NTRK3: variants seen among roughly 807,000 people sequenced by gnomAD.
The protein encoded by NTRK3 is neurotrophic receptor tyrosine kinase 3.
Under a neutral mutation model 91.7 loss-of-function variants are expected in NTRK3, and 24 were observed. The ratio of observed to expected loss-of-function variants is 0.26; its 90% confidence interval spans 0.19 to 0.37. The LOEUF (loss-of-function observed/expected upper bound fraction) is 0.37, where lower values mean the gene tolerates loss of function less well. Ranked by LOEUF, NTRK3 falls within the 10% of genes least tolerant of loss-of-function variation. The pLI is 1.00. For missense variants in NTRK3, 880 were observed against 1,068.9 expected (o/e 0.82, Z 2.46); for synonymous variants, 483 against 404.0 (o/e 1.20, Z -2.34).
intron 13 of NTRK3, among the ~76,000 whole-genome samples, chr15:88,095,951 T>A (rs1042257286): frequency 1.4e-4 from 21 of 152,176 alleles, no homozygotes; most frequent in African/African-American, 4.3e-4. Context: ...TCTGCAGTGG[T>A]CATTTGTCCA....
intron 3 of NTRK3, among the ~76,000 whole-genome samples, chr15:88,239,531 T>A (rs2052118336): frequency 6.6e-6 from 1 of 152,106 alleles, no homozygotes; most frequent in Non-Finnish European, 1.5e-5. Context: ...ATCTCTCAAC[T>A]ACAGGTTGGA....
intron 14 of NTRK3, among the ~76,000 whole-genome samples, chr15:87,997,416 G>A (rs1037299232): frequency 6.6e-5 from 10 of 152,128 alleles, no homozygotes; most frequent in Non-Finnish European, 1.3e-4. Flanking sequence ...AAAATTCTCA[G>A]GCAACGAGGA....
At chr15:88,071,742 A>C (rs2047105892) in intron 13 of NTRK3, among the ~76,000 whole-genome samples, 1 of 152,234 alleles carries the variant, frequency 6.6e-6, no homozygotes, top group South Asian at 2.1e-4. Context: ...ATGGGAGAAT[A>C]CTAGAGAAAA....
intron 17 of NTRK3, among the ~76,000 whole-genome samples, chr15:87,904,176 G>C (rs746687759): frequency 6.7e-6 from 1 of 149,688 alleles, no homozygotes; most frequent in Non-Finnish European, 1.5e-5. Context: ...TTTTGAGACG[G>C]AGTCTTGCCC....
intron 13 of NTRK3, among the ~76,000 whole-genome samples, chr15:88,103,345 G>T (rs2050369061): frequency 6.6e-6 from 1 of 152,202 alleles, no homozygotes; most frequent in Admixed American, 6.5e-5. Context: ...ATCAACTCCT[G>T]CCTGAGTTCC....
intron 17 of NTRK3, among the ~76,000 whole-genome samples, chr15:87,881,585 A>T (rs1239374209): frequency 2.0e-5 from 3 of 151,824 alleles, no homozygotes; most frequent in Admixed American, 1.3e-4. Context: ...ACACCCGGCT[A>T]ATTTTTTGTA....
intron 14 of NTRK3, chr15:87,978,212 G>A (rs2073895835): frequency 4.3e-6 from 1 of 230,434 alleles, no homozygotes; most frequent in South Asian, 1.8e-4. Context: ...AGTTGAAAAT[G>A]GGGGAAGCGA....
intron 14 of NTRK3, among the ~76,000 whole-genome samples, chr15:87,995,615 G>T (rs868841207): frequency 6.6e-5 from 10 of 152,178 alleles, no homozygotes; most frequent in Non-Finnish European, 1.0e-4. Context: ...AGTCTTGAAG[G>T]ATTTCAAAGA....
At chr15:88,185,017 T>C (rs1427611917) in intron 3 of NTRK3, among the ~76,000 whole-genome samples, 1 of 152,226 alleles carries the variant, frequency 6.6e-6, no homozygotes, top group Non-Finnish European at 1.5e-5. Context: ...ACCCAGTGAC[T>C]TTGAGCCAGT....
intron 13 of NTRK3, among the ~76,000 whole-genome samples, chr15:88,125,299 A>T (rs752795683): frequency 6.6e-6 from 1 of 152,210 alleles, no homozygotes; most frequent in African/African-American, 2.4e-5. Context: ...TGTGAATGCC[A>T]TTCATGTACT....
At chr15:87,929,338 C>T (rs777697842) in exon 17 of NTRK3, 2 of 1,614,184 alleles carry the variant, frequency 1.2e-6, no homozygotes, top group Non-Finnish European at 1.7e-6. Flanking sequence ...CCGAGGCGAT[C>T]TGACTGGCAA....
At position 88,123,081 on chromosome 15, in the gene NTRK3, T is replaced by G. The variant is rs545087480; in HGVS notation, c.1396+3190A>C. On this transcript the variant is annotated intron_variant, in intron 13 of 18. Transcript: ENST00000394480. ...GACAAAAGAGGGCATGATTGCGTCT[T>G]GGATGGGCAGCCCTTTTTGGAAGGC... is the stretch of plus-strand genomic sequence containing the variant. Among the ~76,000 whole-genome samples the G allele has an allele frequency of 3.3e-5, 5 of 152,316 alleles. No individual in the cohort carries two copies. In the South Asian group the frequency reaches 1.0e-3, roughly 32 times the overall value.
At chr15:88,069,837 G>A (rs1038817925) in intron 13 of NTRK3, among the ~76,000 whole-genome samples, 6 of 152,174 alleles carry the variant, frequency 3.9e-5, no homozygotes, top group Non-Finnish European at 8.8e-5. Context: ...CTGGCTTGGT[G>A]AAAAGGCCAG....
At chr15:88,229,774 G>T (rs1182129373) in intron 3 of NTRK3, among the ~76,000 whole-genome samples, 2 of 152,154 alleles carry the variant, frequency 1.3e-5, no homozygotes, top group African/African-American at 4.8e-5. Flanking sequence ...GCAATCAATG[G>T]TACAAATATT....
chr15:88,214,677 CAGAG>C, intron 3 of NTRK3, among the ~76,000 whole-genome samples: 1 of 95,442 alleles, frequency 1.0e-5, no homozygotes, highest in Non-Finnish European at 2.2e-5. Flanking sequence ...AAAAAAAAAA[CAGAG>C]AGAATAAGGA....
chr15:88,012,778 T>C (rs1567226972), intron 14 of NTRK3, among the ~76,000 whole-genome samples: 1 of 152,246 alleles, frequency 6.6e-6, no homozygotes, highest in East Asian at 1.9e-4. Context: ...TATCTTATAC[T>C]GTGCTTCTCA....
intron 13 of NTRK3, among the ~76,000 whole-genome samples, chr15:88,104,503 C>T (rs1597337463): frequency 6.6e-6 from 1 of 152,328 alleles, no homozygotes; most frequent in East Asian, 1.9e-4. Flanking sequence ...TGGCTTCTCA[C>T]TCTGTCATCA....
chr15:87,993,556 C>G (rs1323472178), intron 14 of NTRK3, among the ~76,000 whole-genome samples: 12 of 152,126 alleles, frequency 7.9e-5, no homozygotes, highest in Admixed American at 7.9e-4. Context: ...TGGAAGCATA[C>G]TCATACACAG....
intron 13 of NTRK3, among the ~76,000 whole-genome samples, chr15:88,108,144 T>C (rs1672285573): frequency 6.6e-6 from 1 of 152,218 alleles, no homozygotes; most frequent in Non-Finnish European, 1.5e-5. Flanking sequence ...TGCCATTCTC[T>C]TAAGAAAACA....
Sources: gnomAD v4.1 joint callset for allele counts (sites outside exome capture counted in the v4.1 genomes callset) on GRCh38, gnomAD v4.1.1 for gene constraint, MANE v1.5 for transcripts, NCBI Gene and HGNC (gene_info 2026-07-23, HGNC 2026-07-21) for gene names.